GHR: variants seen among roughly 807,000 people sequenced by gnomAD.
GHR encodes growth hormone receptor, also known as GH receptor.
GHR carries 35 observed loss-of-function variants against 67.1 expected under a neutral mutation model. That is an observed-to-expected ratio of 0.52 (90% CI 0.40 to 0.69). The LOEUF is 0.69. Ranked by LOEUF, GHR falls within the 30% of genes least tolerant of loss-of-function variation. The pLI is 0.00. For synonymous variants in GHR, 272 were observed against 269.1 expected (o/e 1.01, Z -0.10); for missense variants, 792 against 764.6 (o/e 1.04, Z -0.42).
chr5:42,646,460 T>C, intron 3 of GHR: 1 of 358,728 alleles, frequency 2.8e-6, no homozygotes, highest in South Asian at 2.3e-5. Flanking sequence ...CTTTTTTTTT[T>C]ATTTACCCAG....
At chr5:42,440,668 G>A (rs1378235426) in intron 1 of GHR, among the ~76,000 whole-genome samples, 1 of 152,190 alleles carries the variant, frequency 6.6e-6, no homozygotes, top group Non-Finnish European at 1.5e-5. Context: ...AAGCATGAAT[G>A]GAGGAGGATG....
chr5:42,586,092 T>A (rs1317858594), intron 2 of GHR, among the ~76,000 whole-genome samples: 1 of 152,180 alleles, frequency 6.6e-6, no homozygotes, highest in Admixed American at 6.5e-5. Context: ...ATGTTTAATA[T>A]ATGTAAGCTA....
At chr5:42,542,123 CT>C (rs1270159178) in intron 1 of GHR, among the ~76,000 whole-genome samples, 1 of 152,070 alleles carries the variant, frequency 6.6e-6, no homozygotes, top group African/African-American at 2.4e-5. Context: ...AGGATAATTT[CT>C]GGTGATATTT....
At chr5:42,626,024 C>T (rs529821511) in intron 2 of GHR, among the ~76,000 whole-genome samples, 3 of 152,074 alleles carry the variant, frequency 2.0e-5, no homozygotes, top group African/African-American at 4.8e-5. Context: ...TGATGAGAAC[C>T]CATGGTTTGT....
chr5:42,534,832 TA>T (rs1480130267), intron 1 of GHR, among the ~76,000 whole-genome samples: 5 of 151,962 alleles, frequency 3.3e-5, no homozygotes, highest in Non-Finnish European at 5.9e-5. Context: ...ACTGTTTTAT[TA>T]TTATTTTTTT....
chr5:42,600,203 T>A (rs75188536), intron 2 of GHR, among the ~76,000 whole-genome samples: 2,450 of 152,302 alleles, frequency 0.016, 66 homozygotes, highest in African/African-American at 0.056. Flanking sequence ...TAAAAACCTA[T>A]GGCACAGTGG....
intron 2 of GHR, among the ~76,000 whole-genome samples, chr5:42,611,905 A>G (rs1380473189): frequency 6.6e-6 from 1 of 152,110 alleles, no homozygotes; most frequent in African/African-American, 2.4e-5. Context: ...TGCATCTTTT[A>G]TATCACAGAA....
chr5:42,458,946 C>T (rs949019245), intron 1 of GHR, among the ~76,000 whole-genome samples: 4 of 152,046 alleles, frequency 2.6e-5, no homozygotes, highest in Non-Finnish European at 1.5e-5. Context: ...TACCATCTCA[C>T]AAGTCAGAAT....
Position 42,719,472 on chromosome 5 carries a change from A to G in GHR, c.*48A>G. ...CTACGTATTTAATAGCAAAGAATTG[A>G]CTGGGGCAATAACGTTTAAGCCAAA... On this transcript the variant is annotated 3_prime_UTR_variant, in exon 10 of 10. Coordinates refer to ENST00000230882, the MANE Select transcript of GHR (RefSeq NM_000163.5). The G allele has an allele frequency of 6.4e-7, 1 of 1,569,472 alleles. No homozygotes were observed. Among genetic ancestry groups the G allele is most frequent in the Non-Finnish European group, 8.7e-7 (1 of 1,148,572 alleles).
chr5:42,566,671 C>CT (rs11415347), intron 2 of GHR, among the ~76,000 whole-genome samples: 38,361 of 146,114 alleles, frequency 0.26, 5,268 homozygotes, highest in African/African-American at 0.37. Context: ...GGGTGGGAGA[C>CT]TTTTTTTTTT....
At chr5:42,590,378 T>A (rs6881929) in intron 2 of GHR, among the ~76,000 whole-genome samples, 1 of 144,368 alleles carries the variant, frequency 6.9e-6, no homozygotes, top group Non-Finnish European at 1.6e-5. Flanking sequence ...GCTGGGGAAA[T>A]TTTTTTAAAC....
intron 2 of GHR, among the ~76,000 whole-genome samples, chr5:42,579,133 AGATAGAT>A (rs1750979447): frequency 1.2e-4 from 7 of 59,080 alleles, no homozygotes; most frequent in African/African-American, 3.5e-4. Flanking sequence ...ATAGATAGAT[AGATAGAT>A]GATAGATAGA....
chr5:42,481,715 C>T (rs934318276), intron 1 of GHR, among the ~76,000 whole-genome samples: 1 of 152,208 alleles, frequency 6.6e-6, no homozygotes, highest in African/African-American at 2.4e-5. Flanking sequence ...AATTCTCGTG[C>T]CTTGGTTTTC....
intron 1 of GHR, among the ~76,000 whole-genome samples, chr5:42,449,434 G>T (rs1007710296): frequency 3.3e-5 from 5 of 152,142 alleles, no homozygotes; most frequent in Admixed American, 3.3e-4. Flanking sequence ...TTGACTCTCA[G>T]CTTGGTCATT....
intron 1 of GHR, among the ~76,000 whole-genome samples, chr5:42,516,986 A>T (rs1561090207): frequency 6.6e-6 from 1 of 152,120 alleles, no homozygotes; most frequent in African/African-American, 2.4e-5. Flanking sequence ...GGGGGAGAAA[A>T]AACTTAAATT....
rs149558844 is a variant in GHR at position 42,565,388 on chromosome 5, C to T, written c.-11-476C>T. 9.8e-4 allele frequency: 888 copies of T among 902,834 alleles called. 6 individuals are homozygous for T. In the African/African-American group the frequency reaches 0.015, roughly 15 times the overall value. 55.9% of individuals were successfully genotyped at this position (902,834 alleles called of 1,614,324 possible). A position where few individuals can be genotyped will look rare whatever the true frequency, so the allele number is the denominator to read the frequency against. On this transcript the variant is annotated intron_variant, in intron 1 of 9. Transcript: ENST00000230882. The stretch of plus-strand genomic sequence containing the variant: ...AGCAACTCGTTTTGAGTGGTTTGAG[C>T]TCTTTTGTTCACTGGGAAACAGATT...
intron 1 of GHR, among the ~76,000 whole-genome samples, chr5:42,505,548 C>T (rs1341026384): frequency 6.6e-6 from 1 of 151,890 alleles, no homozygotes; most frequent in African/African-American, 2.4e-5. Flanking sequence ...CAAGAAGGAA[C>T]AAGTACAAAT....
At chr5:42,586,855 G>A (rs527369773) in intron 2 of GHR, among the ~76,000 whole-genome samples, 2 of 152,244 alleles carry the variant, frequency 1.3e-5, no homozygotes, top group South Asian at 2.1e-4. Context: ...AAAAAAGCCT[G>A]AGCACGTGGC....
intron 2 of GHR, among the ~76,000 whole-genome samples, chr5:42,583,270 CCTT>C (rs1561142790): frequency 1.3e-5 from 2 of 152,170 alleles, no homozygotes; most frequent in Non-Finnish European, 2.9e-5. Flanking sequence ...ACATTAAACT[CCTT>C]CTCCTCTCCC....
Sources: gnomAD v4.1 joint callset for allele counts (sites outside exome capture counted in the v4.1 genomes callset) on GRCh38, gnomAD v4.1.1 for gene constraint, MANE v1.5 for transcripts, NCBI Gene and HGNC (gene_info 2026-07-23, HGNC 2026-07-21) for gene names.